IMPG1: variants seen among roughly 807,000 people sequenced by gnomAD.
IMPG1 encodes the protein interphotoreceptor matrix proteoglycan 1, also known as interphotoreceptor matrix proteoglycan of 150 kDa.
IMPG1 carries 85 observed loss-of-function variants against 92.0 expected under a neutral mutation model. The observed-to-expected ratio is 0.92, with a 90% CI of 0.78 to 1.11. IMPG1 has a LOEUF of 1.11. IMPG1 is among the 50% of genes least tolerant of loss of function. The pLI is 0.00. For synonymous variants in IMPG1, 367 were observed against 334.1 expected, an observed-to-expected ratio of 1.10 and a Z score of -1.08; for missense variants, 1,022 against 956.0, an observed-to-expected ratio of 1.07 and a Z score of -0.91.
intron 12 of IMPG1, among the ~76,000 whole-genome samples, chr6:75,974,392 T>TTCC (rs1782490286): frequency 1.7e-5 from 1 of 59,524 alleles, no homozygotes; most frequent in Non-Finnish European, 3.4e-5. Flanking sequence ...TCTTTCTTTC[T>TTCC]TTTCTTTCTT....
chr6:76,042,276 A>G lies in IMPG1; in HGVS notation c.68-150T>C, dbSNP rs891024296. On this transcript the variant is annotated intron_variant, in intron 1 of 16. Transcript: ENST00000369950. ...GTGCAACTGCTAAACGTAATATTCC[A>G]AATGACAAGGCATTTTCAGAAATAA... 4.9e-6 allele frequency: 3 copies of G among 611,512 alleles called. No homozygotes were observed. In the African/African-American group the frequency reaches 5.6e-5, roughly 11 times the overall value. The allele number at this position is 611,512 out of a possible 1,614,324, so 37.9% of individuals were successfully genotyped here.
At chr6:75,958,813 T>C (rs1489108716) in intron 12 of IMPG1, among the ~76,000 whole-genome samples, 3 of 152,114 alleles carry the variant, frequency 2.0e-5, no homozygotes, top group Non-Finnish European at 4.4e-5. Context: ...TTGCATTGGG[T>C]TAGAACATGC....
At chr6:75,945,931 T>A (rs917852222) in intron 14 of IMPG1, among the ~76,000 whole-genome samples, 2 of 152,118 alleles carry the variant, frequency 1.3e-5, no homozygotes, top group Admixed American at 6.5e-5. Context: ...CTTGTGCTGG[T>A]GGATGGGTCC....
chr6:75,953,072 T>C (rs1782060772), intron 12 of IMPG1, among the ~76,000 whole-genome samples: 2 of 152,214 alleles, frequency 1.3e-5, no homozygotes, highest in Non-Finnish European at 1.5e-5. Flanking sequence ...TTCTGTGTTC[T>C]TATGATGTGA....
At chr6:76,034,547 C>G in intron 3 of IMPG1, 74 bp downstream of exon 3, 1 of 1,507,088 alleles carries the variant, frequency 6.6e-7, no homozygotes, top group Non-Finnish European at 9.1e-7. Flanking sequence ...GAAACCAATT[C>G]AAAAGGCCTA....
intron 3 of IMPG1, 131 bp downstream of exon 3, chr6:76,034,490 C>T (rs1582150): frequency 4.1e-6 from 5 of 1,225,160 alleles, no homozygotes; most frequent in Middle Eastern, 2.2e-4. Flanking sequence ...TTCTATTGGC[C>T]TAATCAGATA....
chr6:75,999,141 G>A (rs1206255069), intron 12 of IMPG1, among the ~76,000 whole-genome samples: 2 of 152,138 alleles, frequency 1.3e-5, no homozygotes, highest in East Asian at 1.9e-4. Context: ...ACAGGCATGA[G>A]CCACTGCGCC....
chr6:76,042,505 G>A (rs772975170), intron 1 of IMPG1, among the ~76,000 whole-genome samples: 5 of 152,120 alleles, frequency 3.3e-5, no homozygotes, highest in African/African-American at 4.8e-5. Flanking sequence ...GCATTGTGGT[G>A]CCCAGAGGTG....
rs780900706 is a variant in IMPG1 at position 75,950,909 on chromosome 6, C to G, written c.1477G>C (p.Ala493Pro). 2 of 1,613,958 alleles carry G rather than the reference C, an allele frequency of 1.2e-6. No homozygotes were observed. The highest frequency in any genetic ancestry group is 2.2e-5 in the South Asian group (2 of 91,078). Residue 493 changes from alanine to proline, a missense_variant, in exon 13 of 17, where the codon GCT becomes CCT. Ala to Pro is a conservative substitution (Grantham distance 27). This residue lies in a region of IMPG1 where 681 missense variants were observed against 583.6 expected (regional missense o/e 1.17). Transcript: ENST00000369950. ...TSDYSAISQL[A>P]LGISHPPASS... ...GCAGGTGGATGTGAAATTCCCAGAG[C>G]CAGTTGGCTGATTGCAGAATAATCA...
chr6:76,036,465 ATG>A (rs1783744250), intron 2 of IMPG1, among the ~76,000 whole-genome samples: 1 of 152,194 alleles, frequency 6.6e-6, no homozygotes, highest in South Asian at 2.1e-4. Flanking sequence ...CTAAAACTAT[ATG>A]TGTTTAGTTT....
At chr6:76,066,274 A>G (rs1284345363) in intron 1 of IMPG1, among the ~76,000 whole-genome samples, 1 of 152,108 alleles carries the variant, frequency 6.6e-6, no homozygotes, top group Non-Finnish European at 1.5e-5. Context: ...AACTATAAAA[A>G]TTGGTGAAAT....
At chr6:75,923,962 CTCAAG>C (rs753996631) in intron 15 of IMPG1, among the ~76,000 whole-genome samples, 1 of 152,076 alleles carries the variant, frequency 6.6e-6, no homozygotes, top group Non-Finnish European at 1.5e-5. Flanking sequence ...AGATTTATTT[CTCAAG>C]TCAAGTTCTG....
intron 12 of IMPG1, among the ~76,000 whole-genome samples, chr6:75,996,873 C>T (rs1236589209): frequency 6.6e-6 from 1 of 152,120 alleles, no homozygotes; most frequent in Non-Finnish European, 1.5e-5. Flanking sequence ...GACTGTTCAC[C>T]TCCAGAATGA....
intron 12 of IMPG1, among the ~76,000 whole-genome samples, chr6:75,989,191 C>A (rs1453707790): frequency 6.6e-6 from 1 of 152,136 alleles, no homozygotes; most frequent in African/African-American, 2.4e-5. Flanking sequence ...TGGGCTCAAG[C>A]GATCCTCCTG....
At chr6:75,927,529 C>T (rs1781576076) in intron 15 of IMPG1, among the ~76,000 whole-genome samples, 1 of 152,110 alleles carries the variant, frequency 6.6e-6, no homozygotes. Context: ...CAGAGCACTG[C>T]TGTGGTCCCG....
At chr6:76,065,199 CA>C (rs1331398857) in intron 1 of IMPG1, among the ~76,000 whole-genome samples, 2 of 151,948 alleles carry the variant, frequency 1.3e-5, no homozygotes, top group African/African-American at 4.8e-5. Flanking sequence ...ACAGGATCCC[CA>C]AAAGATTACA....
rs201823141 is a variant in IMPG1 at position 75,947,310 on chromosome 6, T to C, written c.2044+4A>G. 90 of 1,609,330 alleles carry C rather than the reference T, an allele frequency of 5.6e-5. No individual in the cohort carries two copies. In the Admixed American group the frequency reaches 1.5e-3, roughly 27 times the overall value. On this transcript the variant is annotated splice_donor_region_variant and intron_variant, in intron 14 of 16. Transcript: ENST00000369950. ...CTACCACTTTCTGGGTTGGATTCTT[T>C]TACCTGGTTCAATGTTGAGAGAGTA...
At chr6:75,938,826 C>CAAAAA (rs924990140) in intron 14 of IMPG1, among the ~76,000 whole-genome samples, 1 of 151,788 alleles carries the variant, frequency 6.6e-6, no homozygotes, top group African/African-American at 2.4e-5. Context: ...CAAAACAAAA[C>CAAAAA]AAAACAAAAC....
rs1306124734 is a variant in IMPG1 at position 76,005,182 on chromosome 6, G to T, written c.1135+105C>A. ...ATGTATTCCTGTCACAGTAATGATCGACTTTAGAAGACCCAAGTTAAAATG... is the reference window on the plus strand; with the variant it reads ...ATGTATTCCTGTCACAGTAATGATCTACTTTAGAAGACCCAAGTTAAAATG... On this transcript the variant is annotated intron_variant, in intron 10 of 16. Coordinates refer to ENST00000369950, the MANE Select transcript of IMPG1 (RefSeq NM_001563.4). 3 of 1,131,750 alleles carry T rather than the reference G, an allele frequency of 2.7e-6. No individual in the cohort carries two copies. The African/African-American group carries it at 4.7e-5, about 18-fold the overall frequency. The allele number at this position is 1,131,750 out of a possible 1,614,324, so 70.1% of individuals were successfully genotyped here.
Sources: allele counts gnomAD v4.1 joint callset (sites outside exome capture counted in the v4.1 genomes callset), GRCh38; gene constraint gnomAD v4.1.1; regional missense constraint gnomAD v4.1.1; transcripts MANE v1.5; gene names NCBI Gene and HGNC (gene_info 2026-07-23, HGNC 2026-07-21).